Variants in DDX10 observed in about 807,000 individuals in gnomAD.
DDX10 encodes the protein probable ATP-dependent RNA helicase DDX10.
A neutral mutation model predicts 104.3 loss-of-function variants in DDX10; 74 were observed. That is an observed-to-expected ratio of 0.71 (90% CI 0.59 to 0.86). DDX10 has a LOEUF of 0.86. Ranked by LOEUF, DDX10 falls within the 40% of genes least tolerant of loss-of-function variation. The pLI, the probability that DDX10 is intolerant of heterozygous loss-of-function variation, is 0.00. For synonymous variants in DDX10, 351 were observed against 353.4 expected (o/e 0.99, Z 0.08); for missense variants, 952 against 1,040.0 (o/e 0.92, Z 1.16).
intron 16 of DDX10, among the ~76,000 whole-genome samples, chr11:108,901,257 G>T (rs913692676): frequency 2.6e-5 from 4 of 152,148 alleles, no homozygotes; most frequent in African/African-American, 9.7e-5. Context: ...CTTACCATGC[G>T]TACATCATGC....
intron 17 of DDX10, among the ~76,000 whole-genome samples, chr11:108,923,694 T>A (rs1863870485): frequency 6.6e-6 from 1 of 152,172 alleles, no homozygotes; most frequent in Non-Finnish European, 1.5e-5. Flanking sequence ...GATGGATTAG[T>A]GCTGTGGTTT....
intron 13 of DDX10, among the ~76,000 whole-genome samples, chr11:108,818,637 G>A (rs1040589726): frequency 2.0e-5 from 3 of 152,132 alleles, no homozygotes; most frequent in African/African-American, 7.2e-5. Flanking sequence ...TCATTTATTA[G>A]TGAGTCAACT....
chr11:108,837,969 T>C (rs569038291), intron 13 of DDX10, among the ~76,000 whole-genome samples: 22 of 152,274 alleles, frequency 1.4e-4, no homozygotes, highest in African/African-American at 5.1e-4. Context: ...GTTCCTATGG[T>C]AAATTACTAT....
intron 10 of DDX10, among the ~76,000 whole-genome samples, chr11:108,715,545 T>G (rs539480013): frequency 1.3e-5 from 2 of 152,220 alleles, no homozygotes; most frequent in Non-Finnish European, 2.9e-5. Context: ...AGATTTAATT[T>G]ATTCCATTTC....
chr11:108,933,835 A>G (rs1485324037), intron 17 of DDX10, among the ~76,000 whole-genome samples: 1 of 152,230 alleles, frequency 6.6e-6, no homozygotes, highest in Admixed American at 6.5e-5. Flanking sequence ...CTGACCCTGT[A>G]TGACATACAG....
At chr11:108,757,227 T>C (rs1169030602) in intron 13 of DDX10, among the ~76,000 whole-genome samples, 1 of 152,048 alleles carries the variant, frequency 6.6e-6, no homozygotes, top group Admixed American at 6.6e-5. Context: ...CTGCAAGAAA[T>C]GTTTGTTCTC....
At chr11:108,808,710 C>G (rs1254522444) in intron 13 of DDX10, among the ~76,000 whole-genome samples, 1 of 152,096 alleles carries the variant, frequency 6.6e-6, no homozygotes, top group Non-Finnish European at 1.5e-5. Context: ...GCCAGCCATC[C>G]TGTCAGCCAT....
At chr11:108,794,032 C>G (rs1486432701) in intron 13 of DDX10, among the ~76,000 whole-genome samples, 1 of 152,006 alleles carries the variant, frequency 6.6e-6, no homozygotes, top group South Asian at 2.1e-4. Flanking sequence ...CTGAATAGTA[C>G]TAATAATTCC....
chr11:108,817,502 C>G (rs1218556479), intron 13 of DDX10, among the ~76,000 whole-genome samples: 1 of 152,126 alleles, frequency 6.6e-6, no homozygotes, highest in African/African-American at 2.4e-5. Flanking sequence ...ACCTTCTGCC[C>G]AGTTACTCCC....
rs549946657 is a variant in DDX10 at position 108,896,072 on chromosome 11, A to G, written c.2305-21801A>G. 6.4e-4 allele frequency among the ~76,000 whole-genome samples: 98 copies of G among 152,284 alleles called. 2 individuals are homozygous for G. The South Asian group carries it at 0.02, about 31-fold the overall frequency. The stretch of plus-strand genomic sequence containing the variant: ...ACTCAGAACTTTAAGATGCAAATTA[A>G]TTGAAAGTGACTTTAGTAGGAGATC... On this transcript the variant is annotated intron_variant, in intron 16 of 17. Transcript: ENST00000322536.
Position 108,723,013 on chromosome 11 carries a change from G to C in DDX10, c.1516G>C (p.Val506Leu), listed in dbSNP as rs780380395. 1.2e-6 allele frequency: 2 copies of C among 1,608,300 alleles called. No individual in the cohort carries two copies. The highest frequency in any genetic ancestry group is 8.5e-7 in the Non-Finnish European group (1 of 1,178,070). The change falls in exon 13 of 18, where the codon GTG becomes CTG. Residue 506 changes from valine to leucine, a missense_variant. Val to Leu is a conservative substitution (Grantham distance 32). Around this residue, in one of 3 missense-constraint regions of DDX10, gnomAD observed 533 missense variants for 534.1 expected, o/e 1.00. Coordinates refer to ENST00000322536, the MANE Select transcript of DDX10 (RefSeq NM_004398.4). Reference sequence around the variant, plus strand: ...ATATTTAAGGTCTCTTGGTCTTGCTGTGGCACCACGCGTAAGATTTCTTCA... The same window carrying C: ...ATATTTAAGGTCTCTTGGTCTTGCTCTGGCACCACGCGTAAGATTTCTTCA... The part of the protein sequence containing the change: ...PEYALSLGLA[V>L]APRVRFLQKM...
chr11:108,831,397 C>A (rs1032804853), intron 13 of DDX10, among the ~76,000 whole-genome samples: 15 of 140,750 alleles, frequency 1.1e-4, no homozygotes, highest in Admixed American at 4.0e-4. Context: ...TGCACCCCAG[C>A]CTGGTGACAG....
chr11:108,668,327 T>C (rs2094212636), intron 1 of DDX10, among the ~76,000 whole-genome samples: 1 of 152,230 alleles, frequency 6.6e-6, no homozygotes, highest in Non-Finnish European at 1.5e-5. Flanking sequence ...CCAGTAGGCT[T>C]TACTGCATTG....
At chr11:108,870,278 T>C (rs1863063184) in intron 16 of DDX10, among the ~76,000 whole-genome samples, 3 of 152,202 alleles carry the variant, frequency 2.0e-5, no homozygotes, top group Non-Finnish European at 4.4e-5. Context: ...GCTAGTCTTC[T>C]TTCTCTTATC....
chr11:108,715,800 A>G (rs1455517172), intron 10 of DDX10, 79 bp from the exon 11 acceptor site: 1 of 721,754 alleles, frequency 1.4e-6, no homozygotes, highest in East Asian at 2.7e-5. Flanking sequence ...TACTGAGGAA[A>G]ATAGGAAAAT....
Position 108,917,900 on chromosome 11 carries a change from G to T in DDX10, c.2332G>T (p.Asp778Tyr). 1 of 1,610,460 alleles carries T rather than the reference G, an allele frequency of 6.2e-7. No individual in the cohort carries two copies. ...KAKDEEEAFL[D>Y]WSDDDDDDDD... Reference sequence around the variant, plus strand: ...CAAAGATGAAGAGGAAGCCTTTCTGGATTGGAGTGATGATGATGATGATGA... The same window carrying T: ...CAAAGATGAAGAGGAAGCCTTTCTGTATTGGAGTGATGATGATGATGATGA... Residue 778 changes from aspartate (D) to tyrosine (Y), a missense_variant, in exon 17 of 18, where the codon GAT becomes TAT. Asp to Tyr is a radical substitution (Grantham distance 160). This residue lies in a region of DDX10 where 533 missense variants were observed against 534.1 expected (regional missense o/e 1.00). Transcript: ENST00000322536.
chr11:108,673,591 A>C (rs2094219961), intron 2 of DDX10, 64 bp downstream of exon 2: 12 of 1,222,718 alleles, frequency 9.8e-6, no homozygotes, highest in African/African-American at 1.5e-5. Context: ...AAATGGGAGA[A>C]GATTTAGAGG....
chr11:108,780,546 A>C (rs1183205024), intron 13 of DDX10, among the ~76,000 whole-genome samples: 1 of 152,144 alleles, frequency 6.6e-6, no homozygotes, highest in Non-Finnish European at 1.5e-5. Context: ...AGAATTTTAT[A>C]CTGGAGATCC....
At chr11:108,915,729 CTA>C (rs1167093106) in intron 16 of DDX10, among the ~76,000 whole-genome samples, 1 of 151,976 alleles carries the variant, frequency 6.6e-6, no homozygotes, top group Non-Finnish European at 1.5e-5. Context: ...TTTTAAGAAG[CTA>C]TTACACATCA....
Sources: allele counts gnomAD v4.1 joint callset (sites outside exome capture counted in the v4.1 genomes callset), GRCh38; gene constraint gnomAD v4.1.1; regional missense constraint gnomAD v4.1.1; transcripts MANE v1.5; gene names NCBI Gene and HGNC (gene_info 2026-07-23, HGNC 2026-07-21).